Variants in TMEM132D observed in about 807,000 individuals in gnomAD.
The protein encoded by TMEM132D is transmembrane protein 132D.
TMEM132D carries 21 observed loss-of-function variants against 62.3 expected under a neutral mutation model. That is an observed-to-expected ratio of 0.34 (90% CI 0.24 to 0.49). The LOEUF (loss-of-function observed/expected upper bound fraction) is 0.49, where lower values mean the gene tolerates loss of function less well. Ranked by LOEUF, TMEM132D falls within the 20% of genes least tolerant of loss-of-function variation. TMEM132D has a pLI of 0.99. For synonymous variants in TMEM132D, 621 were observed against 575.6 expected (o/e 1.08, Z -1.13); for missense variants, 1,346 against 1,402.8 (o/e 0.96, Z 0.65).
intron 3 of TMEM132D, among the ~76,000 whole-genome samples, chr12:129,375,962 C>T (rs1406548912): frequency 6.6e-6 from 1 of 152,094 alleles, no homozygotes; most frequent in Non-Finnish European, 1.5e-5. Flanking sequence ...TTTAAAGCTT[C>T]CCAAGGAATC....
At position 129,217,943 on chromosome 12, in the gene TMEM132D, G is replaced by C. The variant is rs995080719; in HGVS notation, c.1300-8280C>G. On this transcript the variant is annotated intron_variant, in intron 4 of 8. Coordinates refer to ENST00000422113, the MANE Select transcript of TMEM132D (RefSeq NM_133448.3). ...ATCACTTCTCCTGTGCATGAAGCTTGGTGGGGGCACAATAACGCTCTCCCC... is the reference window on the plus strand; with the variant it reads ...ATCACTTCTCCTGTGCATGAAGCTTCGTGGGGGCACAATAACGCTCTCCCC... 5.9e-5 allele frequency among the ~76,000 whole-genome samples: 9 copies of C among 152,238 alleles called. No individual in the cohort carries two copies. The South Asian group carries it at 8.3e-4, about 14-fold the overall frequency.
intron 1 of TMEM132D, among the ~76,000 whole-genome samples, chr12:129,794,843 A>G (rs1338418432): frequency 6.6e-6 from 1 of 152,194 alleles, no homozygotes; most frequent in African/African-American, 2.4e-5. Context: ...AAAGAGAATC[A>G]TATCACTGCT....
intron 4 of TMEM132D, among the ~76,000 whole-genome samples, chr12:129,217,676 T>A (rs1435926500): frequency 6.6e-6 from 1 of 151,910 alleles, no homozygotes; most frequent in Non-Finnish European, 1.5e-5. Flanking sequence ...GAAATGGACA[T>A]AAAAGCTAAC....
chr12:129,576,772 G>T (rs1327065760), intron 2 of TMEM132D, among the ~76,000 whole-genome samples: 1 of 151,770 alleles, frequency 6.6e-6, no homozygotes. Flanking sequence ...AACAAAAACA[G>T]CCAATTAACA....
At chr12:129,473,324 G>A (rs9795770) in intron 3 of TMEM132D, among the ~76,000 whole-genome samples, 1 of 81,548 alleles carries the variant, frequency 1.2e-5, no homozygotes, top group African/African-American at 4.8e-5. Flanking sequence ...TTTAGTTTTT[G>A]TTTTTTTTTT....
At chr12:129,587,743 C>T (rs1161704007) in intron 2 of TMEM132D, among the ~76,000 whole-genome samples, 2 of 152,114 alleles carry the variant, frequency 1.3e-5, no homozygotes, top group African/African-American at 2.4e-5. Flanking sequence ...ACAAAGGAGC[C>T]GTATTTGTGT....
chr12:129,213,834 G>A lies in TMEM132D; in HGVS notation c.1300-4171C>T, dbSNP rs1879123083. On this transcript the variant is annotated intron_variant, in intron 4 of 8. Transcript: ENST00000422113. ...CTCCCATGGCCCTACCTCCAACCCGGGGGATCACATTTCAACATGAGGTTT... is the reference window on the plus strand; with the variant it reads ...CTCCCATGGCCCTACCTCCAACCCGAGGGATCACATTTCAACATGAGGTTT... Among the ~76,000 whole-genome samples, 2 of 152,142 alleles carry A rather than the reference G, an allele frequency of 1.3e-5. 1 individual carries two copies. The highest frequency in any genetic ancestry group is 4.1e-4 in the South Asian group (2 of 4,830).
At chr12:129,244,700 G>A (rs1324472038) in intron 4 of TMEM132D, among the ~76,000 whole-genome samples, 1 of 151,924 alleles carries the variant, frequency 6.6e-6, no homozygotes, top group Non-Finnish European at 1.5e-5. Context: ...GAGTTCAGTG[G>A]TGCAATCTCA....
In TMEM132D at chr12:129,422,854, TTCTC is replaced by T. The variant is rs566393218; in HGVS notation, c.1116-85041_1116-85038del. Among the ~76,000 whole-genome samples the T allele has an allele frequency of 5.8e-3, 850 of 146,480 alleles. 6 individuals are homozygous for T. Among genetic ancestry groups the T allele is most frequent in the Middle Eastern group, 0.018 (5 of 284 alleles). On this transcript the variant is annotated intron_variant, in intron 3 of 8. Transcript: ENST00000422113. ...ATTTCAAAGAGAAAGAATTCAATCT[TTCTC>T]TATACATACATATATGTGTATATAT...
chr12:129,771,483 A>T (rs893275348), intron 1 of TMEM132D, among the ~76,000 whole-genome samples: 1 of 152,238 alleles, frequency 6.6e-6, no homozygotes, highest in Non-Finnish European at 1.5e-5. Flanking sequence ...AATGGGTCTT[A>T]ATTGCTACTT....
intron 5 of TMEM132D, among the ~76,000 whole-genome samples, chr12:129,162,002 CAT>C (rs2135541499): frequency 6.6e-6 from 1 of 152,258 alleles, no homozygotes; most frequent in African/African-American, 2.4e-5. Context: ...TGTTGGGAAA[CAT>C]GTGGTTCCTC....
At chr12:129,298,377 T>C (rs1013325595) in intron 4 of TMEM132D, among the ~76,000 whole-genome samples, 1 of 152,244 alleles carries the variant, frequency 6.6e-6, no homozygotes, top group Non-Finnish European at 1.5e-5. Flanking sequence ...TTCAGTTTGA[T>C]ATTTTGATAC....
intron 2 of TMEM132D, among the ~76,000 whole-genome samples, chr12:129,636,691 T>A (rs1316427334): frequency 6.7e-6 from 1 of 148,892 alleles, no homozygotes; most frequent in Non-Finnish European, 1.5e-5. Flanking sequence ...AGTAAATTCA[T>A]ACAGAAATGT....
At chr12:129,708,987 C>A (rs1881574308) in intron 1 of TMEM132D, among the ~76,000 whole-genome samples, 1 of 152,134 alleles carries the variant, frequency 6.6e-6, no homozygotes, top group African/African-American at 2.4e-5. Context: ...GTGTGGAAGA[C>A]CTACTCAGAT....
In TMEM132D at chr12:129,495,292, G is replaced by A. The variant is rs200381572; in HGVS notation, c.1115+35767C>T. Among the ~76,000 whole-genome samples the A allele has an allele frequency of 1.3e-4, 20 of 152,294 alleles. No homozygotes were observed. The South Asian group carries it at 2.1e-3, about 16-fold the overall frequency. On this transcript the variant is annotated intron_variant, in intron 3 of 8. Coordinates refer to ENST00000422113, the MANE Select transcript of TMEM132D (RefSeq NM_133448.3). ...ACGAGGTGCAGTTTAGGGCTGTTGC[G>A]TAGCTATCCGAGGTCTTCCTCCTCA...
chr12:129,347,244 T>G (rs987206634), intron 3 of TMEM132D, among the ~76,000 whole-genome samples: 5 of 152,304 alleles, frequency 3.3e-5, no homozygotes, highest in African/African-American at 9.6e-5. Flanking sequence ...AGAGCCTCTA[T>G]AGCCAAGACA....
At chr12:129,103,156 A>C (rs1269522712) in intron 5 of TMEM132D, among the ~76,000 whole-genome samples, 1 of 152,104 alleles carries the variant, frequency 6.6e-6, no homozygotes, top group African/African-American at 2.4e-5. Context: ...CCAGTGAGGG[A>C]AATTAGAAGG....
chr12:129,148,074 A>T (rs1876964719), intron 5 of TMEM132D, among the ~76,000 whole-genome samples: 1 of 152,116 alleles, frequency 6.6e-6, no homozygotes, highest in African/African-American at 2.4e-5. Flanking sequence ...GGCTACCATA[A>T]TAGTAATGGG....
At chr12:129,417,182 C>CT (rs772827873) in intron 3 of TMEM132D, among the ~76,000 whole-genome samples, 107 of 152,130 alleles carry the variant, frequency 7.0e-4, no homozygotes, top group African/African-American at 2.5e-3. Flanking sequence ...TGGTCCTGGG[C>CT]TTTTTTTGTT....
Sources: allele counts gnomAD v4.1 joint callset (sites outside exome capture counted in the v4.1 genomes callset), GRCh38; gene constraint gnomAD v4.1.1; transcripts MANE v1.5; gene names NCBI Gene and HGNC (gene_info 2026-07-23, HGNC 2026-07-21).